The following SLC71A1 variants were observed in gnomAD, a reference collection of about 807,000 sequenced individuals.
The protein encoded by SLC71A1 is hippocampus abundant gene transcript 1.
the SLC71A1 span, chr1:100,061,747 C>T: frequency 1.2e-6 from 1 of 815,274 alleles, no homozygotes; most frequent in African/African-American, 1.7e-5. Flanking sequence ...AAATGAGCTG[C>T]TCTTACGCTT....
chr1:100,069,642 C>T, the SLC71A1 span: 3 of 1,612,282 alleles, frequency 1.9e-6, no homozygotes, highest in Admixed American at 1.7e-5. Context: ...GAAAGTGTTG[C>T]AGCGTTTATA....
chr1:100,048,169 G>A, the SLC71A1 span, among the ~76,000 whole-genome samples: 1 of 151,586 alleles, frequency 6.6e-6, no homozygotes, highest in African/African-American at 2.4e-5. Flanking sequence ...CAGGTTTAAA[G>A]CTTATCAAAT....
the SLC71A1 span, chr1:100,050,126 C>A: frequency 1.7e-6 from 1 of 581,714 alleles, no homozygotes; most frequent in South Asian, 2.3e-5. Flanking sequence ...GTTCAGTATT[C>A]ACCAGTATTT....
At chr1:100,039,427 C>T in the SLC71A1 span, among the ~76,000 whole-genome samples, 1 of 152,098 alleles carries the variant, frequency 6.6e-6, no homozygotes, top group Non-Finnish European at 1.5e-5. Context: ...TTTCAGAACA[C>T]GGCCCAGTCA....
At chr1:100,081,190 ACTGGCAGTGCAAGCTT>A in the SLC71A1 span, among the ~76,000 whole-genome samples, 47 of 152,308 alleles carry the variant, frequency 3.1e-4, no homozygotes, top group African/African-American at 1.0e-3. Context: ...TATACACAAA[ACTGGCAGTGCAAGCTT>A]CTGCTAAGAA....
chr1:100,048,732 C>T, the SLC71A1 span, among the ~76,000 whole-genome samples: 1 of 152,196 alleles, frequency 6.6e-6, no homozygotes, highest in Admixed American at 6.5e-5. Context: ...CTGCTGTTTT[C>T]ACACTTGACA....
the SLC71A1 span, among the ~76,000 whole-genome samples, chr1:100,046,213 T>A: frequency 3.1e-5 from 1 of 32,622 alleles, no homozygotes; most frequent in Non-Finnish European, 5.5e-5. Context: ...CCAAGCCTCG[T>A]TTTTTTTTTT....
the SLC71A1 span, chr1:100,078,732 T>C: frequency 2.0e-6 from 1 of 502,926 alleles, no homozygotes; most frequent in Non-Finnish European, 3.5e-6. Flanking sequence ...TATTCCCTTT[T>C]CTCTCACTTA....
chr1:100,049,717 A>T, the SLC71A1 span, among the ~76,000 whole-genome samples: 4 of 152,156 alleles, frequency 2.6e-5, no homozygotes, highest in Non-Finnish European at 5.9e-5. Context: ...GCTTATGCTA[A>T]TGAATTTCGT....
chr1:100,052,308 A>AT, the SLC71A1 span, among the ~76,000 whole-genome samples: 7 of 151,360 alleles, frequency 4.6e-5, no homozygotes, highest in Non-Finnish European at 8.8e-5. Context: ...ATTTTGGTAC[A>AT]TTTTTTTCCT....
At chr1:100,074,499 A>C in the SLC71A1 span, among the ~76,000 whole-genome samples, 1 of 151,798 alleles carries the variant, frequency 6.6e-6, no homozygotes, top group Non-Finnish European at 1.5e-5. Context: ...GAATCACTTG[A>C]ACCTGGGAGG....
chr1:100,067,349 A>G, the SLC71A1 span, among the ~76,000 whole-genome samples: 1 of 152,202 alleles, frequency 6.6e-6, no homozygotes. Context: ...GCTCAAAGGA[A>G]TTCTGCCACC....
chr1:100,060,524 ATC>A, the SLC71A1 span, among the ~76,000 whole-genome samples: 2 of 152,014 alleles, frequency 1.3e-5, no homozygotes, highest in African/African-American at 4.8e-5. Context: ...TTCCATCCTC[ATC>A]TCTCACCTCA....
At chr1:100,071,053 G>C in the SLC71A1 span, among the ~76,000 whole-genome samples, 3 of 152,030 alleles carry the variant, frequency 2.0e-5, no homozygotes, top group African/African-American at 7.2e-5. Flanking sequence ...AAAATCATCA[G>C]TCTGGAAAAA....
chr1:100,083,170 G>C, the SLC71A1 span: 1 of 152,328 alleles, frequency 6.6e-6, no homozygotes, highest in Non-Finnish European at 1.5e-5. Context: ...GTATATTTTT[G>C]TGTCCAGTTA....
At chr1:100,076,967 C>A in the SLC71A1 span, among the ~76,000 whole-genome samples, 1 of 152,190 alleles carries the variant, frequency 6.6e-6, no homozygotes, top group Non-Finnish European at 1.5e-5. Flanking sequence ...TTCTAACTCT[C>A]AGTCTGGATC....
chr1:100,078,916 A>G, the SLC71A1 span: 1 of 159,408 alleles, frequency 6.3e-6, no homozygotes, highest in African/African-American at 2.4e-5. Context: ...AAATGCAAAA[A>G]TTAGCTGGGC....
At chr1:100,074,811 G>A in the SLC71A1 span, among the ~76,000 whole-genome samples, 332 of 152,264 alleles carry the variant, frequency 2.2e-3, 4 homozygotes, top group African/African-American at 7.9e-3. Flanking sequence ...GGAGGCAGAG[G>A]TGGCAGTGAG....
the SLC71A1 span, chr1:100,082,671 C>T: frequency 6.5e-6 from 1 of 153,734 alleles, no homozygotes; most frequent in Non-Finnish European, 1.5e-5. Context: ...AATTCAAAGC[C>T]TTAATGCAGA....
Sources: gnomAD v4.1 joint callset for allele counts (sites outside exome capture counted in the v4.1 genomes callset) on GRCh38, gnomAD v4.1.1 for gene constraint, MANE v1.5 for transcripts, NCBI Gene and HGNC (gene_info 2026-07-23, HGNC 2026-07-21) for gene names.